Variants in NPAT observed in about 807,000 individuals in gnomAD.
NPAT encodes the protein protein NPAT.
NPAT carries 52 observed loss-of-function variants against 130.7 expected under a neutral mutation model. That is an observed-to-expected ratio of 0.40 (90% CI 0.32 to 0.50). NPAT has a LOEUF of 0.50. Among genes scored for constraint, NPAT ranks in the 20% least tolerant of loss-of-function variants. The probability of loss-of-function intolerance (pLI) is 0.68; values close to 1 mark genes in which losing one functional copy is unlikely to be tolerated. For missense variants in NPAT, 1,687 were observed against 1,662.6 expected, an observed-to-expected ratio of 1.01 and a Z score of -0.26; for synonymous variants, 580 against 584.8, an observed-to-expected ratio of 0.99 and a Z score of 0.12.
intron 1 of NPAT, chr11:108,208,383 G>C: frequency 2.3e-6 from 1 of 439,340 alleles, no homozygotes; most frequent in Admixed American, 2.5e-5. Context: ...TTGAGCCTAG[G>C]GTTCAAGACC....
rs368835313 is a variant in NPAT at position 108,182,930 on chromosome 11, A to G, written c.906+2302T>C. ...GTAAGCACCTGATGTATTTATAAAG[A>G]AACAATAAGCAAAAAGTTGGAGAAC... is the stretch of plus-strand genomic sequence containing the variant. On this transcript the variant is annotated intron_variant, in intron 10 of 17. Coordinates refer to ENST00000278612, the MANE Select transcript of NPAT (RefSeq NM_002519.3). Among the ~76,000 whole-genome samples, 10 of 152,348 alleles carry G rather than the reference A, an allele frequency of 6.6e-5. No homozygotes were observed. The East Asian group carries it at 1.5e-3, about 23-fold the overall frequency.
At chr11:108,198,492 G>A (rs989693949) in intron 1 of NPAT, among the ~76,000 whole-genome samples, 6 of 126,568 alleles carry the variant, frequency 4.7e-5, no homozygotes, top group Non-Finnish European at 1.0e-4. Flanking sequence ...ATAAGAGCAG[G>A]AGACAAACTC....
chr11:108,176,304 T>G lies in NPAT; in HGVS notation c.1074A>C (p.Ile358=). The G allele has an allele frequency of 6.3e-7, 1 of 1,577,492 alleles. No individual in the cohort carries two copies. Among genetic ancestry groups the G allele is most frequent in the Non-Finnish European group, 8.7e-7 (1 of 1,146,836 alleles). ...CTAGATTAGTTTCATCTGCTAAGAC[T>G]ATACTGGGATTGGATTCCATAGGTT... ...SSQPMESNPS[I]VLADETNLAV... The change falls in exon 12 of 18, where the codon ATA becomes ATC. Residue 358 remains isoleucine, a synonymous_variant. Coordinates refer to ENST00000278612, the MANE Select transcript of NPAT (RefSeq NM_002519.3).
At chr11:108,168,371 A>T (rs2077919692) in intron 15 of NPAT, among the ~76,000 whole-genome samples, 1 of 152,206 alleles carries the variant, frequency 6.6e-6, no homozygotes, top group South Asian at 2.1e-4. Flanking sequence ...AAAGGAATGA[A>T]CTAGTTATAA....
In NPAT at chr11:108,161,938, C is replaced by T. The variant is rs1219550964; in HGVS notation, c.3148G>A (p.Glu1050Lys). Residue 1050 changes from glutamate to lysine, a missense_variant, in exon 17 of 18, where the codon GAG becomes AAG. This residue lies in a region of NPAT where 1,379 missense variants were observed against 1,346.6 expected (regional missense o/e 1.02). Coordinates refer to ENST00000278612, the MANE Select transcript of NPAT (RefSeq NM_002519.3). ...GGTTTAGCAGCTGGAACTATACTCT[C>T]TTCTGGGAAGGGAACTGTGGTTTCT... The part of the protein sequence containing the change: ...SEETTVPFPE[E>K]SIVPAAKPCH... 6.2e-7 allele frequency: 1 copy of T among 1,606,372 alleles called. No individual in the cohort carries two copies. Among genetic ancestry groups the T allele is most frequent in the South Asian group, 1.1e-5 (1 of 89,872 alleles).
intron 1 of NPAT, among the ~76,000 whole-genome samples, chr11:108,212,828 C>T (rs1466347258): frequency 6.7e-6 from 1 of 150,278 alleles, no homozygotes; most frequent in Non-Finnish European, 1.5e-5. Context: ...CCACCTTAAT[C>T]CCAGCTGCTA....
At chr11:108,181,988 A>G (rs2078062587) in intron 10 of NPAT, among the ~76,000 whole-genome samples, 1 of 152,102 alleles carries the variant, frequency 6.6e-6, no homozygotes, top group South Asian at 2.1e-4. Flanking sequence ...CTGTGCTGCC[A>G]CCTGTGTCTC....
At chr11:108,164,245 C>T (rs562197297) in intron 15 of NPAT, among the ~76,000 whole-genome samples, 26 of 152,088 alleles carry the variant, frequency 1.7e-4, no homozygotes, top group African/African-American at 2.7e-4. Context: ...AAAGCAGACA[C>T]GCAGATATTT....
chr11:108,203,055 A>G (rs2078289022), intron 1 of NPAT, among the ~76,000 whole-genome samples: 1 of 152,138 alleles, frequency 6.6e-6, no homozygotes, highest in Non-Finnish European at 1.5e-5. Flanking sequence ...GACAGATGAT[A>G]TTATCAAAAG....
At position 108,199,850 on chromosome 11, in the gene NPAT, C is replaced by G. The variant is rs567967031; in HGVS notation, c.38-2430G>C. 2.0e-5 allele frequency among the ~76,000 whole-genome samples: 3 copies of G among 152,242 alleles called. No individual in the cohort carries two copies. In the East Asian group the frequency reaches 5.8e-4, roughly 29 times the overall value. ...TGGCCCCAATCCCCAACAGCCCGTTCGGGTGTCAGTCAAGACCTCCAGTCT... is the reference window on the plus strand; with the variant it reads ...TGGCCCCAATCCCCAACAGCCCGTTGGGGTGTCAGTCAAGACCTCCAGTCT... On this transcript the variant is annotated intron_variant, in intron 1 of 17. Coordinates refer to ENST00000278612, the MANE Select transcript of NPAT (RefSeq NM_002519.3).
chr11:108,182,522 G>A (rs1262931102), intron 10 of NPAT, among the ~76,000 whole-genome samples: 1 of 152,222 alleles, frequency 6.6e-6, no homozygotes, highest in Non-Finnish European at 1.5e-5. Context: ...TTCTGAAACG[G>A]AGTCTCACTC....
chr11:108,166,859 G>C (rs1269651609), intron 15 of NPAT, among the ~76,000 whole-genome samples: 9 of 152,040 alleles, frequency 5.9e-5, no homozygotes, highest in Non-Finnish European at 1.3e-4. Context: ...ATTCAACTTG[G>C]AATAATTGCA....
At chr11:108,206,798 G>C (rs1473343686) in intron 1 of NPAT, among the ~76,000 whole-genome samples, 1 of 152,244 alleles carries the variant, frequency 6.6e-6, no homozygotes, top group Admixed American at 6.5e-5. Flanking sequence ...TCAACTGGAA[G>C]GTGCTCAAGG....
intron 1 of NPAT, among the ~76,000 whole-genome samples, chr11:108,217,710 T>C (rs1443199953): frequency 2.6e-5 from 4 of 152,156 alleles, no homozygotes; most frequent in African/African-American, 9.7e-5. Flanking sequence ...ATGAAAATAC[T>C]GGCTGGGCAC....
intron 1 of NPAT, among the ~76,000 whole-genome samples, chr11:108,201,324 G>C (rs1480792590): frequency 1.3e-5 from 2 of 152,188 alleles, no homozygotes; most frequent in Non-Finnish European, 2.9e-5. Context: ...TGGGTATGGT[G>C]AAATAGTTTG....
intron 3 of NPAT, among the ~76,000 whole-genome samples, chr11:108,192,720 C>G (rs2078182275): frequency 6.6e-6 from 1 of 152,136 alleles, no homozygotes; most frequent in Admixed American, 6.5e-5. Context: ...CTTTGGGAGG[C>G]TGAGGTGGGC....
chr11:108,215,551 C>T (rs1404868060), intron 1 of NPAT, among the ~76,000 whole-genome samples: 1 of 152,206 alleles, frequency 6.6e-6, no homozygotes, highest in Non-Finnish European at 1.5e-5. Context: ...TTATGTCTAA[C>T]GTCTCTTCCA....
chr11:108,191,218 A>G (rs973273462), intron 4 of NPAT, among the ~76,000 whole-genome samples: 2 of 152,232 alleles, frequency 1.3e-5, no homozygotes, highest in African/African-American at 4.8e-5. Flanking sequence ...ATGACTCCAT[A>G]TATAAATACT....
At chr11:108,191,537 T>C (rs1370056051) in intron 4 of NPAT, among the ~76,000 whole-genome samples, 1 of 152,188 alleles carries the variant, frequency 6.6e-6, no homozygotes, top group Non-Finnish European at 1.5e-5. Flanking sequence ...AGAAAGCATT[T>C]GGAGCCATTT....
Sources: gnomAD v4.1 joint callset for allele counts (sites outside exome capture counted in the v4.1 genomes callset) on GRCh38, gnomAD v4.1.1 for gene constraint, gnomAD v4.1.1 regional missense constraint, MANE v1.5 for transcripts, NCBI Gene and HGNC (gene_info 2026-07-23, HGNC 2026-07-21) for gene names.